The following CFAP74 variants were observed in gnomAD, a reference collection of about 807,000 sequenced individuals.
CFAP74 encodes the protein cilia and flagella associated protein 74.
Under a neutral mutation model 188.9 loss-of-function variants are expected in CFAP74, and 124 were observed. The observed-to-expected ratio is 0.66, with a 90% CI of 0.57 to 0.76. The LOEUF (loss-of-function observed/expected upper bound fraction) is 0.76, where lower values mean the gene tolerates loss of function less well. CFAP74 is among the 30% of genes least tolerant of loss of function. The pLI is 0.00. For missense variants in CFAP74, 2,198 were observed against 2,165.2 expected, an observed-to-expected ratio of 1.02 and a Z score of -0.30; for synonymous variants, 956 against 916.7, an observed-to-expected ratio of 1.04 and a Z score of -0.77.
In CFAP74 at chr1:1,946,939, T is replaced by C. The variant is rs911118518; in HGVS notation, c.2241+51A>G. On this transcript the variant is annotated intron_variant, in intron 19 of 38. Transcript: ENST00000682832. Reference sequence around the variant, plus strand: ...GGGTGCAGCTGGGGCTGGGGGAAGGTGGGCGGTGTCTTGGATCGTGGCAGC... The same window carrying C: ...GGGTGCAGCTGGGGCTGGGGGAAGGCGGGCGGTGTCTTGGATCGTGGCAGC... 1.2e-5 allele frequency: 17 copies of C among 1,391,144 alleles called. No homozygotes were observed. In the Admixed American group the frequency reaches 2.0e-4, roughly 16 times the overall value. The allele number at this position is 1,391,144 out of a possible 1,614,324, so 86.2% of individuals were successfully genotyped here.
intron 16 of CFAP74, among the ~76,000 whole-genome samples, chr1:1,957,772 GGC>G (rs139867260): frequency 0.14 from 20,375 of 150,076 alleles, 2,688 homozygotes; most frequent in African/African-American, 0.35. Flanking sequence ...TCTGCGGGGG[GGC>G]GGGGGACTTC....
intron 20 of CFAP74, among the ~76,000 whole-genome samples, chr1:1,945,690 T>C (rs776254016): frequency 2.0e-4 from 31 of 151,828 alleles, no homozygotes; most frequent in Admixed American, 4.6e-4. Flanking sequence ...TAGCCAGGTG[T>C]GGTGGCACGC....
chr1:1,963,581 T>A (rs1457199871), intron 14 of CFAP74, among the ~76,000 whole-genome samples, 168 bp downstream of exon 14: 1 of 151,768 alleles, frequency 6.6e-6, no homozygotes, highest in Non-Finnish European at 1.5e-5. Flanking sequence ...CTCGGACGAC[T>A]TTGACACAAG....
intron 10 of CFAP74, 83 bp downstream of exon 10, chr1:1,970,576 T>A: frequency 6.9e-7 from 1 of 1,445,804 alleles, no homozygotes; most frequent in East Asian, 2.5e-5. Context: ...CTTTGCTCAA[T>A]GTGAAGCCGA....
chr1:1,979,654 C>T lies in CFAP74; in HGVS notation c.501-5456G>A, dbSNP rs1169585476. 1.5e-4 allele frequency among the ~76,000 whole-genome samples: 8 copies of T among 54,332 alleles called. 1 individual carries two copies. Among genetic ancestry groups the T allele is most frequent in the Non-Finnish European group, 3.0e-4 (8 of 26,702 alleles). 35.6% of individuals were successfully genotyped at this position (54,332 alleles called of 152,430 possible). On this transcript the variant is annotated intron_variant, in intron 6 of 38. Transcript: ENST00000682832. ...ACGAGGCTGCGCAGAACACGTGTGT[C>T]GTGCTGAGCTGGGCGTGGGAAGGTG...
chr1:1,990,716 A>AT (rs1201614885), intron 2 of CFAP74, among the ~76,000 whole-genome samples, 174 bp downstream of exon 2: 3 of 152,198 alleles, frequency 2.0e-5, no homozygotes, highest in African/African-American at 4.8e-5. Context: ...CTCAGCCACA[A>AT]TTTATCTTTC....
intron 22 of CFAP74, among the ~76,000 whole-genome samples, chr1:1,940,937 C>G (rs1307930886): frequency 6.6e-6 from 1 of 151,972 alleles, no homozygotes; most frequent in Non-Finnish European, 1.5e-5. Flanking sequence ...ACGGTGAAAC[C>G]CCATCTCTAC....
intron 18 of CFAP74, chr1:1,955,109 C>T (rs1477165459): frequency 1.8e-6 from 2 of 1,114,124 alleles, no homozygotes; most frequent in South Asian, 1.6e-5. Context: ...AGAACCGGCC[C>T]AGCTCCGCGC....
In CFAP74 at chr1:1,922,641, C is replaced by T. The variant is rs757596178; in HGVS notation, c.4766G>A (p.Arg1589His). The change falls in exon 38 of 39, where the codon CGC (arginine) becomes CAC (histidine). Residue 1589 changes from arginine (R) to histidine (H), a missense_variant. Transcript: ENST00000682832. Reference protein sequence around the residue: ...SIEPSRGSVERGQTKTISISW... With the variant: ...SIEPSRGSVEHGQTKTISISW... ...GATGCTGATGGTCTTCGTCTGGCCG[C>T]GCTCCACGGAGCCCCTGGAGGGCTC... 2.1e-5 allele frequency: 34 copies of T among 1,604,168 alleles called. No individual in the cohort carries two copies. Among genetic ancestry groups the T allele is most frequent in the Admixed American group, 3.4e-5 (2 of 59,692 alleles).
intron 1 of CFAP74, 127 bp from the exon 2 acceptor site, chr1:1,991,102 C>T (rs1371324293): frequency 9.6e-6 from 6 of 623,984 alleles, no homozygotes; most frequent in Non-Finnish European, 1.7e-5. Flanking sequence ...ATTTGCAGCA[C>T]ACACATATCT....
At chr1:1,977,279 G>A (rs1386757393) in intron 6 of CFAP74, among the ~76,000 whole-genome samples, 1 of 152,200 alleles carries the variant, frequency 6.6e-6, no homozygotes. Context: ...GAGGCTGATT[G>A]GGAAAGATTG....
intron 11 of CFAP74, among the ~76,000 whole-genome samples, chr1:1,967,153 G>A (rs1361171574): frequency 6.6e-6 from 1 of 152,170 alleles, no homozygotes; most frequent in Non-Finnish European, 1.5e-5. Context: ...CATTTCTGTG[G>A]ATATAAGCCA....
rs755896597 is a variant in CFAP74, at chr1:1,974,149, G to A, written c.550C>T (p.Arg184Trp). 14 of 1,611,790 alleles carry A rather than the reference G, an allele frequency of 8.7e-6. No homozygotes were observed. Among genetic ancestry groups the A allele is most frequent in the Admixed American group, 3.3e-5 (2 of 59,816 alleles). ...TCCACCTCCTCACGGTCAGCTGTCC[G>A]GAAGGCCTCGAGTCGCCCCTCCTGG... The part of the protein sequence containing the change: ...EIQEGRLEAF[R>W]TADREEVEAT... Residue 184 changes from arginine to tryptophan, a missense_variant, in exon 7 of 39, where the codon CGG becomes TGG. By Grantham distance (101) the Arg-to-Trp change is moderately radical (BLOSUM62 -3). Transcript: ENST00000682832.
chr1:1,956,894 G>T, intron 16 of CFAP74, 110 bp from the exon 17 acceptor site: 3 of 1,060,882 alleles, frequency 2.8e-6, no homozygotes, highest in Non-Finnish European at 2.8e-6. Context: ...ATTTGTGCGC[G>T]TTGTGCACTG....
chr1:1,976,488 G>A (rs1384893002), intron 6 of CFAP74, among the ~76,000 whole-genome samples: 1 of 152,110 alleles, frequency 6.6e-6, no homozygotes, highest in Non-Finnish European at 1.5e-5. Context: ...AGAAGCAGAT[G>A]CCATCACGTT....
chr1:1,957,724 G>C (rs1654752734), intron 16 of CFAP74, among the ~76,000 whole-genome samples: 1 of 152,154 alleles, frequency 6.6e-6, no homozygotes, highest in Non-Finnish European at 1.5e-5. Flanking sequence ...CTCCTGCCGG[G>C]CTCCCAGGCT....
Position 1,927,750 on chromosome 1 carries a change from T to G in CFAP74, c.3388-4A>C, listed in dbSNP as rs756258336. On this transcript the variant is annotated splice_region_variant and splice_polypyrimidine_tract_variant and intron_variant, in intron 27 of 38. Coordinates refer to ENST00000682832, the MANE Select transcript of CFAP74 (RefSeq NM_001304360.2). ...GGGGGGCCATATTCTTTCGGAACTG[T>G]GGGGGGAGCGACTGGCTGTGGGGCT... 1 of 1,549,204 alleles carries G rather than the reference T, an allele frequency of 6.5e-7. No homozygotes were observed. Among genetic ancestry groups the G allele is most frequent in the Non-Finnish European group, 8.7e-7 (1 of 1,146,286 alleles).
At chr1:2,002,716 A>C (rs1008589795) in intron 1 of CFAP74, among the ~76,000 whole-genome samples, 32 of 150,378 alleles carry the variant, frequency 2.1e-4, no homozygotes, top group African/African-American at 7.0e-4. Flanking sequence ...TATGAAGTTT[A>C]ATATATATTA....
chr1:1,955,821 G>A lies in CFAP74; in HGVS notation c.2046C>T (p.Ser682=). 1.9e-6 allele frequency: 3 copies of A among 1,613,934 alleles called. No individual in the cohort carries two copies. The highest frequency in any genetic ancestry group is 1.7e-6 in the Non-Finnish European group (2 of 1,180,026). The change falls in exon 18 of 39, where the codon AGC becomes AGT. Residue 682 remains serine (S), a synonymous_variant. Coordinates refer to ENST00000682832, the MANE Select transcript of CFAP74 (RefSeq NM_001304360.2). ...AGCTGGTGGCGGCTTTGTCATACAAGCTTTTATCTTCGTAGGTCAGGAGAC... is the reference window on the plus strand; with the variant it reads ...AGCTGGTGGCGGCTTTGTCATACAAACTTTTATCTTCGTAGGTCAGGAGAC... ...LSSLLTYEDK[S]LYDKAATSFS...
Sources: allele counts gnomAD v4.1 joint callset (sites outside exome capture counted in the v4.1 genomes callset), GRCh38; gene constraint gnomAD v4.1.1; transcripts MANE v1.5; gene names NCBI Gene and HGNC (gene_info 2026-07-23, HGNC 2026-07-21).